ARHGAP24: variants seen among roughly 807,000 people sequenced by gnomAD.
ARHGAP24 encodes Rho GTPase activating protein 24, also known as rho GTPase-activating protein 24.
A neutral mutation model predicts 76.4 loss-of-function variants in ARHGAP24; 50 were observed. The observed-to-expected ratio is 0.65, with a 90% CI of 0.52 to 0.83. ARHGAP24 has a LOEUF of 0.83. Among genes scored for constraint, ARHGAP24 ranks in the 40% least tolerant of loss-of-function variants. The pLI is 0.00. For synonymous variants in ARHGAP24, 345 were observed against 323.3 expected, an observed-to-expected ratio of 1.07 and a Z score of -0.72; for missense variants, 930 against 914.2, an observed-to-expected ratio of 1.02 and a Z score of -0.22.
intron 4 of ARHGAP24, among the ~76,000 whole-genome samples, chr4:85,926,785 T>C (rs1425908023): frequency 6.6e-6 from 1 of 152,130 alleles, no homozygotes; most frequent in East Asian, 1.9e-4. Context: ...ATTAAGTCTT[T>C]AAGACCCAAG....
intron 1 of ARHGAP24, among the ~76,000 whole-genome samples, chr4:85,538,025 GAA>G (rs397798210): frequency 6.9e-6 from 1 of 143,978 alleles, no homozygotes; most frequent in Non-Finnish European, 1.5e-5. Context: ...AGCAATCCAA[GAA>G]AAAAAAAAAC....
At chr4:85,693,707 A>T (rs1230417048) in intron 2 of ARHGAP24, among the ~76,000 whole-genome samples, 11 of 152,204 alleles carry the variant, frequency 7.2e-5, no homozygotes, top group African/African-American at 2.7e-4. Flanking sequence ...GGGCCCTGGG[A>T]GAGGCTGGCG....
At chr4:85,924,324 A>G (rs1299491706) in intron 4 of ARHGAP24, among the ~76,000 whole-genome samples, 1 of 152,160 alleles carries the variant, frequency 6.6e-6, no homozygotes, top group African/African-American at 2.4e-5. Context: ...AGAACGAGCT[A>G]AAAAGGTGCT....
At chr4:85,887,791 T>C (rs1414613763) in intron 3 of ARHGAP24, among the ~76,000 whole-genome samples, 1 of 152,186 alleles carries the variant, frequency 6.6e-6, no homozygotes, top group East Asian at 1.9e-4. Flanking sequence ...ACTTATGTCA[T>C]GTACCTATGA....
At chr4:85,507,673 C>G (rs1724120462) in intron 1 of ARHGAP24, among the ~76,000 whole-genome samples, 1 of 152,170 alleles carries the variant, frequency 6.6e-6, no homozygotes, top group Non-Finnish European at 1.5e-5. Flanking sequence ...CTCCTCACTT[C>G]TTCACCGGGT....
intron 5 of ARHGAP24, 169 bp downstream of exon 5, chr4:85,942,442 T>C (rs989322939): frequency 1.2e-4 from 92 of 751,396 alleles, no homozygotes; most frequent in African/African-American, 2.6e-4. Flanking sequence ...AAGTCAAAAA[T>C]TGGGCACCTT....
Position 85,994,956 on chromosome 4 carries a change from C to T in ARHGAP24, c.1302C>T (p.Thr434=), listed in dbSNP as rs749072477. Residue 434 remains threonine (T), a synonymous_variant, in exon 9 of 10, where the codon ACC becomes ACT. Coordinates refer to ENST00000395184, the MANE Select transcript of ARHGAP24 (RefSeq NM_001025616.3). ...TTAATAAGGGTAGTGGGATAGTTAC[C>T]AATGGGTCCTTCAGCAGCAGTAATG... ...PAFNKGSGIV[T]NGSFSSSNAE... The T allele has an allele frequency of 5.0e-6, 8 of 1,614,060 alleles. No individual in the cohort carries two copies. Among genetic ancestry groups the T allele is most frequent in the Non-Finnish European group, 1.7e-6 (2 of 1,180,006 alleles).
At chr4:85,778,808 C>T (rs1195819788) in intron 3 of ARHGAP24, 2 of 985,298 alleles carry the variant, frequency 2.0e-6, no homozygotes, top group Non-Finnish European at 2.4e-6. Flanking sequence ...ATAGCTACCA[C>T]CGCTTTGAAA....
At chr4:85,945,578 A>C (rs1469231549) in intron 5 of ARHGAP24, among the ~76,000 whole-genome samples, 1 of 151,964 alleles carries the variant, frequency 6.6e-6, no homozygotes, top group Admixed American at 6.6e-5. Flanking sequence ...CCTGGCCAAC[A>C]TGCTGAAACT....
intron 3 of ARHGAP24, among the ~76,000 whole-genome samples, chr4:85,869,631 A>T (rs971376518): frequency 6.6e-6 from 1 of 151,998 alleles, no homozygotes; most frequent in African/African-American, 2.4e-5. Context: ...TTTTTTTTCC[A>T]CACCAAATTG....
intron 2 of ARHGAP24, among the ~76,000 whole-genome samples, chr4:85,656,924 C>G (rs901827846): frequency 2.0e-5 from 3 of 150,712 alleles, no homozygotes; most frequent in African/African-American, 7.4e-5. Flanking sequence ...TTCCTTGAAA[C>G]TATTCTTGGC....
At position 85,603,748 on chromosome 4, in the gene ARHGAP24, G is replaced by T. The variant is rs182411318; in HGVS notation, c.180+33027G>T. On this transcript the variant is annotated intron_variant, in intron 2 of 9. Coordinates refer to ENST00000395184, the MANE Select transcript of ARHGAP24 (RefSeq NM_001025616.3). Reference sequence around the variant, plus strand: ...ATATGTTTCTAGTACTGTGCTAAGCGCTAGTGATACATTTATGAGATTGCA... The same window carrying T: ...ATATGTTTCTAGTACTGTGCTAAGCTCTAGTGATACATTTATGAGATTGCA... Among the ~76,000 whole-genome samples the T allele has an allele frequency of 3.9e-5, 6 of 152,236 alleles. No individual in the cohort carries two copies. In the South Asian group the frequency reaches 8.3e-4, roughly 21 times the overall value.
chr4:85,650,123 C>T (rs1721880723), intron 2 of ARHGAP24, among the ~76,000 whole-genome samples: 1 of 152,094 alleles, frequency 6.6e-6, no homozygotes, highest in Non-Finnish European at 1.5e-5. Flanking sequence ...CATGGTCGCT[C>T]CATAAATGCT....
chr4:85,581,589 A>G (rs767503466), intron 2 of ARHGAP24, among the ~76,000 whole-genome samples: 1 of 152,124 alleles, frequency 6.6e-6, no homozygotes, highest in Non-Finnish European at 1.5e-5. Context: ...TGATTATTTG[A>G]ATAAACCAAC....
chr4:85,861,000 G>GCACACACACACACACACACACACACA (rs70948764), intron 3 of ARHGAP24, among the ~76,000 whole-genome samples: 3 of 137,510 alleles, frequency 2.2e-5, no homozygotes, highest in African/African-American at 8.9e-5. Flanking sequence ...GTGCATGCAC[G>GCACACACACACACACACACACACACA]CACACACACA....
At chr4:85,533,435 C>T (rs2110117971) in intron 1 of ARHGAP24, among the ~76,000 whole-genome samples, 1 of 152,132 alleles carries the variant, frequency 6.6e-6, no homozygotes, top group African/African-American at 2.4e-5. Flanking sequence ...ATTATATTGT[C>T]TTTATAGTCT....
intron 1 of ARHGAP24, among the ~76,000 whole-genome samples, chr4:85,561,997 T>A (rs749795884): frequency 6.6e-6 from 1 of 152,166 alleles, no homozygotes; most frequent in Non-Finnish European, 1.5e-5. Context: ...ACATTTGAAC[T>A]GAGAATTGAA....
intron 2 of ARHGAP24, among the ~76,000 whole-genome samples, chr4:85,657,372 G>GA (rs1272571442): frequency 7.0e-4 from 107 of 152,254 alleles, no homozygotes; most frequent in Non-Finnish European, 1.1e-3. Context: ...ACTAAAGTTT[G>GA]AACCTTTAGT....
chr4:85,562,850 A>G (rs956763861), intron 1 of ARHGAP24, among the ~76,000 whole-genome samples: 5 of 152,194 alleles, frequency 3.3e-5, no homozygotes, highest in African/African-American at 1.2e-4. Flanking sequence ...AGAAAGAATG[A>G]CACTAAGTTC....
Sources: allele counts gnomAD v4.1 joint callset (sites outside exome capture counted in the v4.1 genomes callset), GRCh38; gene constraint gnomAD v4.1.1; transcripts MANE v1.5; gene names NCBI Gene and HGNC (gene_info 2026-07-23, HGNC 2026-07-21).